Variants in MYO1E observed in about 807,000 individuals in gnomAD.
MYO1E encodes unconventional myosin-Ie.
Under a neutral mutation model 151.1 loss-of-function variants are expected in MYO1E, and 68 were observed. That is an observed-to-expected ratio of 0.45 (90% confidence interval 0.37 to 0.55). MYO1E has a LOEUF of 0.55. MYO1E is among the 20% of genes least tolerant of loss of function. The probability of loss-of-function intolerance (pLI) is 0.00; values close to 1 mark genes in which losing one functional copy is unlikely to be tolerated. For synonymous variants in MYO1E, 601 were observed against 501.7 expected, an observed-to-expected ratio of 1.20 and a Z score of -2.64; for missense variants, 1,363 against 1,389.3, an observed-to-expected ratio of 0.98 and a Z score of 0.30.
At chr15:59,195,232 A>T (rs1294040813) in intron 17 of MYO1E, among the ~76,000 whole-genome samples, 1 of 152,210 alleles carries the variant, frequency 6.6e-6, no homozygotes, top group East Asian at 1.9e-4. Flanking sequence ...ACTAGCCAAG[A>T]TCAACATTAT....
At chr15:59,303,819 G>A (rs989897601) in intron 1 of MYO1E, among the ~76,000 whole-genome samples, 1 of 152,076 alleles carries the variant, frequency 6.6e-6, no homozygotes, top group Non-Finnish European at 1.5e-5. Context: ...CTACTGAGTC[G>A]GCAGTGTAGG....
intron 1 of MYO1E, among the ~76,000 whole-genome samples, chr15:59,286,676 A>G (rs2080389509): frequency 6.6e-6 from 1 of 152,208 alleles, no homozygotes. Context: ...GGCAAGGAGC[A>G]TTCCCTGAAC....
chr15:59,186,741 T>C (rs892669774), intron 18 of MYO1E, among the ~76,000 whole-genome samples: 1 of 152,188 alleles, frequency 6.6e-6, no homozygotes, highest in African/African-American at 2.4e-5. Context: ...GAGCAAGACT[T>C]TGTCTCTAAA....
chr15:59,343,610 C>G (rs2080777684), intron 1 of MYO1E, among the ~76,000 whole-genome samples: 1 of 152,152 alleles, frequency 6.6e-6, no homozygotes, highest in Non-Finnish European at 1.5e-5. Context: ...ATCTCTCTCT[C>G]TCTACCTCCT....
intron 17 of MYO1E, 144 bp from the exon 18 acceptor site, chr15:59,188,360 C>G (rs1596357511): frequency 5.6e-6 from 4 of 717,544 alleles, no homozygotes; most frequent in Non-Finnish European, 1.0e-5. Flanking sequence ...AAACACTGAG[C>G]TGACCTCTCA....
chr15:59,241,376 T>A (rs6494083), intron 4 of MYO1E, among the ~76,000 whole-genome samples: 146,512 of 152,316 alleles, frequency 0.96, 70,725 homozygotes, highest in East Asian at 1. Flanking sequence ...AAACAACAAC[T>A]ATAATAATAA....
intron 1 of MYO1E, among the ~76,000 whole-genome samples, chr15:59,288,454 G>A (rs1276231331): frequency 2.0e-5 from 3 of 152,258 alleles, no homozygotes; most frequent in South Asian, 4.1e-4. Flanking sequence ...TGGGATTACA[G>A]GTGTGAGCTG....
At position 59,334,153 on chromosome 15, in the gene MYO1E, C is replaced by T. The variant is rs71480520; in HGVS notation, c.3+38345G>A. Reference sequence around the variant, plus strand: ...AAAATTAGCCTGGCATGGTGGCACACGCCTGTAGTTCCAGCGACTCAGGAA... The same window carrying T: ...AAAATTAGCCTGGCATGGTGGCACATGCCTGTAGTTCCAGCGACTCAGGAA... On this transcript the variant is annotated intron_variant, in intron 1 of 27. Coordinates refer to ENST00000288235, the MANE Select transcript of MYO1E (RefSeq NM_004998.4). Among the ~76,000 whole-genome samples the T allele has an allele frequency of 8.1e-3, 1,237 of 152,230 alleles. 4 individuals carry two copies. Among genetic ancestry groups the T allele is most frequent in the Non-Finnish European group, 0.014 (938 of 68,028 alleles).
At chr15:59,319,768 G>T (rs7164698) in intron 1 of MYO1E, among the ~76,000 whole-genome samples, 151,879 of 151,880 alleles carry the variant, frequency 1, 75,939 homozygotes, top group Non-Finnish European at 1. Flanking sequence ...CCGGGCATGG[G>T]GGCATATGCC....
rs540070954 is a variant in MYO1E, at chr15:59,180,203, C to T, written c.1905-1666G>A. Among the ~76,000 whole-genome samples the T allele has an allele frequency of 2.6e-5, 4 of 152,310 alleles. No homozygotes were observed. In the South Asian group the frequency reaches 8.3e-4, roughly 32 times the overall value. ...ATGAAAATGCCTAGTGGAAGTCACA[C>T]ATTAGCATGAATAACATTCATATAT... On this transcript the variant is annotated intron_variant, in intron 18 of 27. Coordinates refer to ENST00000288235, the MANE Select transcript of MYO1E (RefSeq NM_004998.4).
intron 1 of MYO1E, among the ~76,000 whole-genome samples, chr15:59,308,798 C>T (rs1350168908): frequency 6.7e-6 from 1 of 149,198 alleles, no homozygotes; most frequent in Admixed American, 6.7e-5. Flanking sequence ...GTAATTGTGC[C>T]ATTGCACTTC....
rs115278785 is a variant in MYO1E, at chr15:59,147,667, G to A, written c.3080+5923C>T. ...CTGTGGAACGGTGCAGAGCCAGAAGGAGTTTGTGACTTTTCATCTTCAAAT... is the reference window on the plus strand; with the variant it reads ...CTGTGGAACGGTGCAGAGCCAGAAGAAGTTTGTGACTTTTCATCTTCAAAT... On this transcript the variant is annotated intron_variant, in intron 26 of 27. Transcript: ENST00000288235. Among the ~76,000 whole-genome samples, 752 of 151,476 alleles carry A rather than the reference G, an allele frequency of 5.0e-3. 7 individuals are homozygous for A. The highest frequency in any genetic ancestry group is 0.017 in the African/African-American group (718 of 41,296).
At chr15:59,242,008 G>A (rs1389959405) in intron 4 of MYO1E, among the ~76,000 whole-genome samples, 6 of 152,118 alleles carry the variant, frequency 3.9e-5, no homozygotes, top group African/African-American at 1.2e-4. Context: ...GGTAGGGAGT[G>A]GAGCTGGAAG....
At chr15:59,212,782 C>T (rs2079887339) in intron 12 of MYO1E, 1 of 152,082 alleles carries the variant, frequency 6.6e-6, no homozygotes, top group Admixed American at 6.5e-5. Context: ...TGCCATTGCG[C>T]AAAGCTAAAA....
At chr15:59,207,441 G>A in intron 14 of MYO1E, 5 of 1,614,018 alleles carry the variant, frequency 3.1e-6, no homozygotes, top group Non-Finnish European at 4.2e-6. Context: ...CCATCTTCAA[G>A]TTAATGATTT....
At chr15:59,142,106 C>CAAA in intron 26 of MYO1E, among the ~76,000 whole-genome samples, 2 of 144,156 alleles carry the variant, frequency 1.4e-5, no homozygotes, top group South Asian at 4.4e-4. Flanking sequence ...GACTCCATCC[C>CAAA]AAAAAAAAAA....
At chr15:59,242,585 A>G in intron 4 of MYO1E, among the ~76,000 whole-genome samples, 1 of 152,330 alleles carries the variant, frequency 6.6e-6, no homozygotes, top group East Asian at 1.9e-4. Context: ...GAATGATGGA[A>G]ACAGATATAT....
intron 1 of MYO1E, among the ~76,000 whole-genome samples, chr15:59,339,431 T>A (rs1318441575): frequency 6.6e-6 from 1 of 152,244 alleles, no homozygotes; most frequent in Admixed American, 6.5e-5. Context: ...TTGACCTAAC[T>A]GACTCCATAC....
chr15:59,309,982 C>T (rs1165734295), intron 1 of MYO1E, among the ~76,000 whole-genome samples: 2 of 152,204 alleles, frequency 1.3e-5, no homozygotes, highest in African/African-American at 4.8e-5. Context: ...GACTACTCCC[C>T]TTTCCTCTCT....
Sources: allele counts gnomAD v4.1 joint callset (sites outside exome capture counted in the v4.1 genomes callset), GRCh38; gene constraint gnomAD v4.1.1; transcripts MANE v1.5; gene names NCBI Gene and HGNC (gene_info 2026-07-23, HGNC 2026-07-21).